The following SLC18A2 variants were observed in gnomAD, a reference collection of about 807,000 sequenced individuals.
The protein encoded by SLC18A2 is synaptic vesicular amine transporter.
SLC18A2 carries 33 observed loss-of-function variants against 59.2 expected under a neutral mutation model. The ratio of observed to expected loss-of-function variants is 0.56; its 90% CI spans 0.42 to 0.75. SLC18A2 has a LOEUF of 0.75. Among genes scored for constraint, SLC18A2 ranks in the 30% least tolerant of loss-of-function variants. SLC18A2 has a pLI of 0.00. For synonymous variants in SLC18A2, 228 were observed against 253.5 expected (o/e 0.90, Z 0.95); for missense variants, 569 against 668.6 (o/e 0.85, Z 1.64).
At chr10:117,248,470 C>G (rs1844132163) in intron 3 of SLC18A2, among the ~76,000 whole-genome samples, 3 of 152,138 alleles carry the variant, frequency 2.0e-5, no homozygotes, top group Non-Finnish European at 1.5e-5. Flanking sequence ...ATGACCTGGC[C>G]AATAGCACAC....
intron 3 of SLC18A2, 129 bp downstream of exon 3, chr10:117,244,442 C>A: frequency 1.3e-6 from 1 of 786,836 alleles, no homozygotes; most frequent in Non-Finnish European, 2.0e-6. Flanking sequence ...CTGGGGAAAA[C>A]CCAGTCCCCT....
rs1844542541 is a variant in SLC18A2 at position 117,279,151 on chromosome 10, A to G, written c.*1885A>G. 2 of 152,246 alleles carry G rather than the reference A, an allele frequency of 1.3e-5. No homozygotes were observed. The highest frequency in any genetic ancestry group is 4.1e-4 in the South Asian group (2 of 4,836). The allele number at this position is 152,246 out of a possible 1,614,324, so 9.4% of individuals were successfully genotyped here. A position where few individuals can be genotyped will look rare whatever the true frequency, so the allele number is the denominator to read the frequency against. ...TCAGAACTGTTTTGGAGCAAAAGAT[A>G]GCTTGTACTTGGGGAAAAAAATTCT... On this transcript the variant is annotated 3_prime_UTR_variant, in exon 16 of 16. Coordinates refer to ENST00000644641, the MANE Select transcript of SLC18A2 (RefSeq NM_003054.6).
intron 3 of SLC18A2, among the ~76,000 whole-genome samples, chr10:117,252,033 A>G (rs764572649): frequency 2.6e-5 from 4 of 151,584 alleles, no homozygotes; most frequent in Admixed American, 2.0e-4. Context: ...ATCTCAGCGC[A>G]CTACATCCTC....
rs541218550 is a variant in SLC18A2, at chr10:117,246,943, C to T, written c.464+2630C>T. Among the ~76,000 whole-genome samples the T allele has an allele frequency of 5.3e-5, 8 of 152,290 alleles. No homozygotes were observed. The South Asian group carries it at 6.2e-4, about 12-fold the overall frequency. On this transcript the variant is annotated intron_variant, in intron 3 of 15. Coordinates refer to ENST00000644641, the MANE Select transcript of SLC18A2 (RefSeq NM_003054.6). ...TGCTGGGATTACAGGCGTGAGCCAC[C>T]GCCCTCAGCGAGCAAATAAATTTTC...
intron 10 of SLC18A2, among the ~76,000 whole-genome samples, chr10:117,266,335 T>G (rs1421166672): frequency 2.0e-5 from 3 of 152,178 alleles, no homozygotes; most frequent in Non-Finnish European, 4.4e-5. Context: ...AACATTTTTC[T>G]TTTTGTTTAT....
At chr10:117,249,149 A>G (rs558404810) in intron 3 of SLC18A2, among the ~76,000 whole-genome samples, 1 of 152,330 alleles carries the variant, frequency 6.6e-6, no homozygotes, top group East Asian at 1.9e-4. Flanking sequence ...CTCTATGGAC[A>G]GGGAAACCGG....
chr10:117,279,371 ACTG>A lies in SLC18A2; in HGVS notation c.*2108_*2110del, dbSNP rs1421741086. The A allele has an allele frequency of 1.3e-5, 2 of 152,188 alleles. No individual in the cohort carries two copies. Among genetic ancestry groups the A allele is most frequent in the African/African-American group, 2.4e-5 (1 of 41,452 alleles). 9.4% of individuals were successfully genotyped at this position (152,188 alleles called of 1,614,324 possible). On this transcript the variant is annotated 3_prime_UTR_variant, in exon 16 of 16. Transcript: ENST00000644641. The stretch of plus-strand genomic sequence containing the variant: ...GTAGCAATGAATATTCAACTGTTTG[ACTG>A]CTAAGTGTATCTGTCCATATTTTAG...
intron 15 of SLC18A2, 54 bp downstream of exon 15, chr10:117,270,517 T>C: frequency 6.3e-7 from 1 of 1,590,324 alleles, no homozygotes; most frequent in Non-Finnish European, 8.6e-7. Flanking sequence ...AGCATGGCCT[T>C]CCTGATAGCT....
rs768643329 is a variant in SLC18A2, at chr10:117,255,513, G to A, written c.825G>A (p.Val275=). The stretch of plus-strand genomic sequence containing the variant: ...TCTTTGTGCTCCAGCCGTCCCGGGT[G>A]CAGCCAGAGGTAAGCGGCTGGGAAT... The part of the protein sequence containing the change: ...IQLFVLQPSR[V]QPESQKGTPL... Residue 275 remains valine (V), a synonymous_variant, in exon 8 of 16, where the codon GTG becomes GTA. Transcript: ENST00000644641. 1.2e-6 allele frequency: 2 copies of A among 1,614,086 alleles called. No individual in the cohort carries two copies. The highest frequency in any genetic ancestry group is 1.7e-5 in the Admixed American group (1 of 60,030).
rs766612856 is a variant in SLC18A2, at chr10:117,241,686, C to G, written c.-8C>G. 3 of 1,579,414 alleles carry G rather than the reference C, an allele frequency of 1.9e-6. No homozygotes were observed. The highest frequency in any genetic ancestry group is 1.8e-5 in the Admixed American group (1 of 55,134). On this transcript the variant is annotated 5_prime_UTR_variant, in exon 2 of 16. Transcript: ENST00000644641. Reference sequence around the variant, plus strand: ...CGCGCACCGCGCCCGCAGCGGAGCCCCGGAGCCATGGCCCTGAGCGAGCTG... The same window carrying G: ...CGCGCACCGCGCCCGCAGCGGAGCCGCGGAGCCATGGCCCTGAGCGAGCTG...
intron 15 of SLC18A2, among the ~76,000 whole-genome samples, chr10:117,272,888 G>A (rs1382060947): frequency 1.3e-5 from 2 of 152,146 alleles, no homozygotes; most frequent in African/African-American, 4.8e-5. Flanking sequence ...AATGATAAGG[G>A]GGCATGCAGG....
At chr10:117,270,541 A>C in intron 15 of SLC18A2, 78 bp downstream of exon 15, 1 of 1,520,334 alleles carries the variant, frequency 6.6e-7, no homozygotes, top group South Asian at 1.2e-5. Context: ...TCATGGTTTC[A>C]TTCTAAAGCC....
At position 117,254,066 on chromosome 10, in the gene SLC18A2, G is replaced by T. The variant is rs1565003755; in HGVS notation, c.542G>T (p.Ser181Ile). Reference protein sequence around the residue: ...VSTIMFAFSSSYAFLLIARSL... With the variant: ...VSTIMFAFSSIYAFLLIARSL... ...TCGGCAGTGTTTGCCTTCTCCAGCA[G>T]CTATGCCTTCCTGCTGATTGCCAGG... Residue 181 changes from serine (S) to isoleucine (I), a missense_variant, in exon 5 of 16, where the codon AGC (serine) becomes ATC (isoleucine). By Grantham distance (142) the Ser-to-Ile change is moderately radical. Coordinates refer to ENST00000644641, the MANE Select transcript of SLC18A2 (RefSeq NM_003054.6). 6.2e-7 allele frequency: 1 copy of T among 1,613,652 alleles called. No individual in the cohort carries two copies. The highest frequency in any genetic ancestry group is 1.3e-5 in the African/African-American group (1 of 75,064).
At chr10:117,257,012 A>G (rs573926186) in intron 9 of SLC18A2, among the ~76,000 whole-genome samples, 122 of 152,306 alleles carry the variant, frequency 8.0e-4, no homozygotes, top group African/African-American at 2.9e-3. Flanking sequence ...GTGGCTGTCC[A>G]CTTGAGGGGA....
intron 10 of SLC18A2, among the ~76,000 whole-genome samples, chr10:117,260,950 C>T (rs563970463): frequency 9.2e-5 from 14 of 152,212 alleles, no homozygotes; most frequent in Non-Finnish European, 1.3e-4. Context: ...CTCTAAACAT[C>T]TCATGACTAT....
In SLC18A2 at chr10:117,278,549, G is replaced by A. The variant is rs1332588467; in HGVS notation, c.*1283G>A. 6.6e-6 allele frequency: 1 copy of A among 152,176 alleles called. No homozygotes were observed. The highest frequency in any genetic ancestry group is 1.5e-5 in the Non-Finnish European group (1 of 68,020). The allele number at this position is 152,176 out of a possible 1,614,324, so 9.4% of individuals were successfully genotyped here. On this transcript the variant is annotated 3_prime_UTR_variant, in exon 16 of 16. Transcript: ENST00000644641. ...TGTCATTTTGTTAAGAGATATGACT[G>A]GAGTGTGCAGTGTGGAATGTCTCTA...
At chr10:117,257,579 G>T (rs189774344) in intron 9 of SLC18A2, among the ~76,000 whole-genome samples, 4 of 152,272 alleles carry the variant, frequency 2.6e-5, no homozygotes, top group Admixed American at 2.6e-4. Flanking sequence ...TCCAAACTTT[G>T]TCTCTGGGAT....
At chr10:117,253,515 C>A in intron 4 of SLC18A2, 58 bp downstream of exon 4, 1 of 1,106,786 alleles carries the variant, frequency 9.0e-7, no homozygotes, top group Non-Finnish European at 1.3e-6. Flanking sequence ...GCATTGATGC[C>A]CATGAGCCGG....
intron 10 of SLC18A2, among the ~76,000 whole-genome samples, chr10:117,259,667 G>A (rs1322712097): frequency 2.0e-5 from 3 of 152,232 alleles, no homozygotes; most frequent in Admixed American, 6.5e-5. Flanking sequence ...TCGGGCCACT[G>A]TTCTGTTGTC....
Sources: allele counts gnomAD v4.1 joint callset (sites outside exome capture counted in the v4.1 genomes callset), GRCh38; gene constraint gnomAD v4.1.1; transcripts MANE v1.5; gene names NCBI Gene and HGNC (gene_info 2026-07-23, HGNC 2026-07-21).